FAM13C: variants seen among roughly 807,000 people sequenced by gnomAD.
FAM13C encodes the protein protein FAM13C.
Under a neutral mutation model 73.2 loss-of-function variants are expected in FAM13C, and 37 were observed. The observed-to-expected ratio is 0.51, with a 90% CI of 0.39 to 0.67. The LOEUF (loss-of-function observed/expected upper bound fraction) is 0.67. Among genes scored for constraint, FAM13C ranks in the 30% least tolerant of loss-of-function variants. FAM13C has a pLI of 0.00. For missense variants in FAM13C, 589 were observed against 715.6 expected, an observed-to-expected ratio of 0.82 and a Z score of 2.02; for synonymous variants, 246 against 260.9, an observed-to-expected ratio of 0.94 and a Z score of 0.55.
At chr10:59,257,830 C>A (rs1842090795) in intron 10 of FAM13C, among the ~76,000 whole-genome samples, 1 of 152,168 alleles carries the variant, frequency 6.6e-6, no homozygotes, top group South Asian at 2.1e-4. Flanking sequence ...GTTCAGATAA[C>A]CAGCTTCAAA....
intron 2 of FAM13C, among the ~76,000 whole-genome samples, chr10:59,354,552 T>C (rs573504936): frequency 1.4e-4 from 22 of 152,322 alleles, no homozygotes; most frequent in African/African-American, 5.1e-4. Flanking sequence ...TCCTCATTCA[T>C]AAAATAGATG....
At chr10:59,256,623 A>G (rs1388504079) in intron 10 of FAM13C, among the ~76,000 whole-genome samples, 3 of 152,166 alleles carry the variant, frequency 2.0e-5, no homozygotes, top group Non-Finnish European at 4.4e-5. Context: ...TGAAACCTCT[A>G]AGTCTACAAG....
Position 59,254,330 on chromosome 10 carries a change from G to A in FAM13C, c.1332+18C>T. On this transcript the variant is annotated intron_variant, in intron 11 of 13. Transcript: ENST00000618804. ...ACACATCAGTACAAAGTAACAGCAT[G>A]CAAGTATCCTGACTTACAATTGTTG... 1 of 1,494,178 alleles carries A rather than the reference G, an allele frequency of 6.7e-7. No homozygotes were observed. The allele number at this position is 1,494,178 out of a possible 1,614,324, so 92.6% of individuals were successfully genotyped here. A position where few individuals can be genotyped will look rare whatever the true frequency, so the allele number is the denominator to read the frequency against.
At chr10:59,268,507 A>T in intron 8 of FAM13C, 46 bp downstream of exon 8, 2 of 1,604,894 alleles carry the variant, frequency 1.2e-6, no homozygotes, top group Non-Finnish European at 1.7e-6. Flanking sequence ...GAGAATCCAG[A>T]CACCTCTGAC....
chr10:59,335,369 C>T lies in FAM13C; in HGVS notation c.325-11263G>A, dbSNP rs1194691092. 3.9e-5 allele frequency among the ~76,000 whole-genome samples: 6 copies of T among 152,182 alleles called. No homozygotes were observed. The East Asian group carries it at 1.2e-3, about 29-fold the overall frequency. ...TACGAGACCCAAATATTAATTTTAG[C>T]ACCATTCACTTTGAGGAAGTCTTTA... On this transcript the variant is annotated intron_variant, in intron 3 of 13. Coordinates refer to ENST00000618804, the MANE Select transcript of FAM13C (RefSeq NM_198215.4).
Position 59,255,466 on chromosome 10 carries a change from G to A in FAM13C, c.1237-1023C>T, listed in dbSNP as rs550555424. Among the ~76,000 whole-genome samples the A allele has an allele frequency of 1.9e-4, 29 of 152,066 alleles. 1 individual carries two copies. The South Asian group carries it at 2.3e-3, about 12-fold the overall frequency. On this transcript the variant is annotated intron_variant, in intron 10 of 13. Coordinates refer to ENST00000618804, the MANE Select transcript of FAM13C (RefSeq NM_198215.4). Reference sequence around the variant, plus strand: ...ATCTGCCTATTTATCCAAAGTGACCGAACTCCTCTGCTTGCATTGGTTTTT... The same window carrying A: ...ATCTGCCTATTTATCCAAAGTGACCAAACTCCTCTGCTTGCATTGGTTTTT...
In FAM13C at chr10:59,318,994, G is replaced by A. The variant is rs556650601; in HGVS notation, c.443+4994C>T. Among the ~76,000 whole-genome samples the A allele has an allele frequency of 1.3e-4, 20 of 151,112 alleles. No individual in the cohort carries two copies. In the South Asian group the frequency reaches 2.7e-3, roughly 21 times the overall value. On this transcript the variant is annotated intron_variant, in intron 4 of 13. Transcript: ENST00000618804. ...CAGTGCTCATTCTCTTATTCATTCTGTCTCTGTTTAGCAGAACTCATTAAG... is the reference window on the plus strand; with the variant it reads ...CAGTGCTCATTCTCTTATTCATTCTATCTCTGTTTAGCAGAACTCATTAAG...
intron 5 of FAM13C, among the ~76,000 whole-genome samples, chr10:59,295,319 T>C (rs920122035): frequency 1.3e-5 from 2 of 152,178 alleles, no homozygotes; most frequent in African/African-American, 4.8e-5. Flanking sequence ...CAGAGTTTCT[T>C]CCAGTTGGTA....
intron 5 of FAM13C, among the ~76,000 whole-genome samples, chr10:59,295,962 C>A (rs552857302): frequency 6.6e-6 from 1 of 152,224 alleles, no homozygotes; most frequent in South Asian, 2.1e-4. Context: ...TCAGTCACAC[C>A]GAAAGAATCA....
At position 59,355,750 on chromosome 10, in the gene FAM13C, A is replaced by G; in HGVS notation, c.119+137T>C. On this transcript the variant is annotated intron_variant, in intron 2 of 13. Coordinates refer to ENST00000618804, the MANE Select transcript of FAM13C (RefSeq NM_198215.4). ...AAAGACAAAAATTTTGTCAAGAGGT[A>G]AAAATCTAGTAGAAGAGATGAGACA... is the stretch of plus-strand genomic sequence containing the variant. 4 of 900,902 alleles carry G rather than the reference A, an allele frequency of 4.4e-6. No homozygotes were observed. In the South Asian group the frequency reaches 4.9e-5, roughly 11 times the overall value. The allele number at this position is 900,902 out of a possible 1,614,324, so 55.8% of individuals were successfully genotyped here. A position where few individuals can be genotyped will look rare whatever the true frequency, so the allele number is the denominator to read the frequency against.
chr10:59,264,399 C>G (rs909181968), intron 8 of FAM13C, among the ~76,000 whole-genome samples: 1 of 152,152 alleles, frequency 6.6e-6, no homozygotes, highest in Non-Finnish European at 1.5e-5. Context: ...CTCTTTAATC[C>G]TTGCTATGGG....
chr10:59,337,705 G>C (rs1441283592), intron 3 of FAM13C, among the ~76,000 whole-genome samples: 2 of 49,128 alleles, frequency 4.1e-5, no homozygotes, highest in Admixed American at 3.2e-4. Context: ...TTGAGATAGA[G>C]TTTCATTCTT....
At chr10:59,257,333 C>G (rs1232460593) in intron 10 of FAM13C, among the ~76,000 whole-genome samples, 1 of 152,156 alleles carries the variant, frequency 6.6e-6, no homozygotes, top group East Asian at 1.9e-4. Context: ...GAGGGGTCAG[C>G]CCAAATTAGT....
At chr10:59,327,464 T>C (rs572026441) in intron 3 of FAM13C, among the ~76,000 whole-genome samples, 2 of 152,266 alleles carry the variant, frequency 1.3e-5, no homozygotes, top group Admixed American at 6.5e-5. Context: ...TCTGCTCCAG[T>C]TGGACTCCAC....
intron 10 of FAM13C, among the ~76,000 whole-genome samples, chr10:59,257,457 A>G (rs1467760411): frequency 1.3e-5 from 2 of 152,222 alleles, no homozygotes; most frequent in Non-Finnish European, 2.9e-5. Flanking sequence ...ATTCTTCCAC[A>G]GTAAGCCACA....
At chr10:59,337,997 T>TCCACTGCCTGTTCC in intron 3 of FAM13C, among the ~76,000 whole-genome samples, 2 of 152,100 alleles carry the variant, frequency 1.3e-5, no homozygotes, top group African/African-American at 4.8e-5. Flanking sequence ...TTCATTTTCA[T>TCCACTGCCTGTTCC]TCTCACTGTT....
chr10:59,318,609 A>ATCTCTTCATTT (rs1396420638), intron 4 of FAM13C, among the ~76,000 whole-genome samples: 1 of 152,076 alleles, frequency 6.6e-6, no homozygotes, highest in East Asian at 1.9e-4. Context: ...AAGACCCTGG[A>ATCTCTTCATTT]TCTCTTCATT....
rs533819158 is a variant in FAM13C at position 59,326,571 on chromosome 10, G to A, written c.325-2465C>T. 5.3e-5 allele frequency among the ~76,000 whole-genome samples: 8 copies of A among 152,220 alleles called. 1 individual carries two copies. The South Asian group carries it at 1.5e-3, about 28-fold the overall frequency. On this transcript the variant is annotated intron_variant, in intron 3 of 13. Coordinates refer to ENST00000618804, the MANE Select transcript of FAM13C (RefSeq NM_198215.4). ...AGTACAGCCTTTCTTAGAAAACACC[G>A]AGTTTATTCTTCCTTCCAGAGATCC... is the stretch of plus-strand genomic sequence containing the variant.
intron 3 of FAM13C, among the ~76,000 whole-genome samples, chr10:59,339,667 T>G (rs1853231277): frequency 6.6e-6 from 1 of 152,156 alleles, no homozygotes; most frequent in South Asian, 2.1e-4. Context: ...GCATCACTGA[T>G]GAAACACCAC....
Sources: allele counts gnomAD v4.1 joint callset (sites outside exome capture counted in the v4.1 genomes callset), GRCh38; gene constraint gnomAD v4.1.1; transcripts MANE v1.5; gene names NCBI Gene and HGNC (gene_info 2026-07-23, HGNC 2026-07-21).